The following INPP5F variants were observed in gnomAD, a reference collection of about 807,000 sequenced individuals.
INPP5F encodes inositol polyphosphate-5-phosphatase F.
In INPP5F, 97 loss-of-function variants were observed where a neutral mutation model predicts 137.2. The observed-to-expected ratio is 0.71, with a 90% CI of 0.60 to 0.84. The LOEUF (loss-of-function observed/expected upper bound fraction) is 0.84, where lower values mean the gene tolerates loss of function less well. INPP5F is among the 40% of genes least tolerant of loss of function. The pLI is 0.00. For synonymous variants in INPP5F, 504 were observed against 476.9 expected (o/e 1.06, Z -0.74); for missense variants, 1,271 against 1,371.9 (o/e 0.93, Z 1.16).
intron 14 of INPP5F, among the ~76,000 whole-genome samples, chr10:119,810,976 A>G (rs748962026): frequency 1.1e-4 from 17 of 152,306 alleles, no homozygotes; most frequent in Non-Finnish European, 2.2e-4. Context: ...TGATGTGAAG[A>G]TGTTTGACTT....
At chr10:119,813,661 A>G (rs990307117) in intron 15 of INPP5F, among the ~76,000 whole-genome samples, 3 of 152,124 alleles carry the variant, frequency 2.0e-5, no homozygotes, top group African/African-American at 4.8e-5. Flanking sequence ...AAAACTCAAA[A>G]AAACACTATG....
chr10:119,795,566 C>T (rs960868209), intron 6 of INPP5F, among the ~76,000 whole-genome samples: 4 of 151,282 alleles, frequency 2.6e-5, no homozygotes, highest in South Asian at 2.1e-4. Flanking sequence ...GGATGGCGGC[C>T]GGGCAGAGAC....
At chr10:119,812,378 C>T (rs867366873) in intron 15 of INPP5F, among the ~76,000 whole-genome samples, 11 of 145,554 alleles carry the variant, frequency 7.6e-5, no homozygotes, top group South Asian at 2.2e-4. Flanking sequence ...AACTAATATT[C>T]TTTTTTTTTT....
intron 16 of INPP5F, among the ~76,000 whole-genome samples, chr10:119,821,337 C>CGT (rs3067616): frequency 0.28 from 41,989 of 149,848 alleles, 5,892 homozygotes; most frequent in Middle Eastern, 0.33. Context: ...TATGCAATAA[C>CGT]GTGTGTGTGT....
chr10:119,747,842 A>C (rs947892921), intron 1 of INPP5F, among the ~76,000 whole-genome samples: 1 of 152,254 alleles, frequency 6.6e-6, no homozygotes, highest in African/African-American at 2.4e-5. Flanking sequence ...AATCTTGAAG[A>C]ATATTTTAAA....
Position 119,796,826 on chromosome 10 carries a change from AC to A in INPP5F, c.788del (p.Pro263LeufsTer7), listed in dbSNP as rs750419826. The A allele has an allele frequency of 5.6e-6, 9 of 1,612,270 alleles. No individual in the cohort carries two copies. Among genetic ancestry groups the A allele is most frequent in the Non-Finnish European group, 6.8e-6 (8 of 1,179,282 alleles). On this transcript the variant is annotated frameshift_variant, in exon 7 of 20. Transcript: ENST00000650623. LOFTEE classifies it high-confidence loss of function. ...SSDDEKSSPE[T>X]PPQESTCVDD... ...TGATGATGAGAAAAGCAGCCCAGAG[AC>A]CCCCCCTCAGGAGTCCACCTGTGTA...
At chr10:119,815,682 C>T (rs746455119) in intron 15 of INPP5F, 3 of 283,958 alleles carry the variant, frequency 1.1e-5, no homozygotes, top group Non-Finnish European at 2.1e-5. Context: ...CTAACCAGGA[C>T]AGCAGGAGTG....
In INPP5F at chr10:119,745,864, C is replaced by T. The variant is rs570707724; in HGVS notation, c.98-5212C>T. Among the ~76,000 whole-genome samples, 4 of 151,954 alleles carry T rather than the reference C, an allele frequency of 2.6e-5. No individual in the cohort carries two copies. The South Asian group carries it at 8.3e-4, about 32-fold the overall frequency. On this transcript the variant is annotated intron_variant, in intron 1 of 19. Coordinates refer to ENST00000650623, the MANE Select transcript of INPP5F (RefSeq NM_014937.4). ...GGATTACAGGTATGCGCTACCATGC[C>T]CGGCTAGTTTTTGTATTTTTAGTAG...
chr10:119,753,629 G>A (rs1477565532), intron 2 of INPP5F, among the ~76,000 whole-genome samples: 4 of 152,148 alleles, frequency 2.6e-5, no homozygotes, highest in Non-Finnish European at 5.9e-5. Context: ...TCCTTTCAGG[G>A]TAGTGGCTGG....
chr10:119,730,394 G>A (rs1440596785), intron 1 of INPP5F, among the ~76,000 whole-genome samples: 1 of 152,246 alleles, frequency 6.6e-6, no homozygotes, highest in African/African-American at 2.4e-5. Context: ...ACAGGCATGA[G>A]CCACCGCGCC....
At chr10:119,816,188 TG>T (rs1230472124) in intron 15 of INPP5F, 1 of 152,390 alleles carries the variant, frequency 6.6e-6, no homozygotes, top group African/African-American at 2.4e-5. Flanking sequence ...GGGTTTAGGC[TG>T]GGGCACAGGA....
At chr10:119,771,988 C>T (rs1248891375) in intron 2 of INPP5F, among the ~76,000 whole-genome samples, 1 of 143,578 alleles carries the variant, frequency 7.0e-6, no homozygotes, top group Non-Finnish European at 1.5e-5. Context: ...CTCCATCTCC[C>T]GGGTTCACAC....
chr10:119,823,759 TA>T (rs1258071732), intron 18 of INPP5F, 55 bp from the exon 19 acceptor site: 4 of 1,347,480 alleles, frequency 3.0e-6, no homozygotes, highest in Non-Finnish European at 4.2e-6. Context: ...TTAGAACTGC[TA>T]TTTTTTTTAG....
intron 3 of INPP5F, among the ~76,000 whole-genome samples, chr10:119,785,328 C>A (rs1849855720): frequency 7.6e-6 from 1 of 132,364 alleles, no homozygotes. Flanking sequence ...CTCTGTCGCC[C>A]AGGCTGGAGT....
chr10:119,816,820 G>T, intron 15 of INPP5F, among the ~76,000 whole-genome samples: 1 of 152,208 alleles, frequency 6.6e-6, no homozygotes, highest in East Asian at 1.9e-4. Context: ...GAATATGTGT[G>T]TGTGTTTAAA....
At chr10:119,742,784 C>A (rs1848413641) in intron 1 of INPP5F, among the ~76,000 whole-genome samples, 2 of 151,974 alleles carry the variant, frequency 1.3e-5, no homozygotes, top group African/African-American at 4.8e-5. Flanking sequence ...CCTGAGGTCG[C>A]AAGTTTGAGA....
intron 3 of INPP5F, among the ~76,000 whole-genome samples, chr10:119,791,052 TC>T: frequency 6.6e-6 from 1 of 151,978 alleles, no homozygotes. Flanking sequence ...CTTTTAGGGC[TC>T]CCACTAGAGC....
rs1032659124 is a variant in INPP5F, at chr10:119,726,066, C to T, written c.-197C>T. ...AGCGGGGGGGAGAGGCCTCTACGGCCGCCGCTGCCGCCGCCGCTGCCGGGG... is the reference window on the plus strand; with the variant it reads ...AGCGGGGGGGAGAGGCCTCTACGGCTGCCGCTGCCGCCGCCGCTGCCGGGG... On this transcript the variant is annotated 5_prime_UTR_variant, in exon 1 of 20. Coordinates refer to ENST00000650623, the MANE Select transcript of INPP5F (RefSeq NM_014937.4). 8.2e-6 allele frequency: 3 copies of T among 366,904 alleles called. No homozygotes were observed. The highest frequency in any genetic ancestry group is 7.2e-5 in the South Asian group (1 of 13,914). The allele number at this position is 366,904 out of a possible 1,614,324, so 22.7% of individuals were successfully genotyped here. A position where few individuals can be genotyped will look rare whatever the true frequency, so the allele number is the denominator to read the frequency against.
intron 14 of INPP5F, among the ~76,000 whole-genome samples, chr10:119,811,414 C>T (rs1378810283): frequency 6.6e-6 from 1 of 152,162 alleles, no homozygotes; most frequent in Non-Finnish European, 1.5e-5. Flanking sequence ...CAGATCTTTG[C>T]TCATTTTACA....
Sources: gnomAD v4.1 joint callset for allele counts (sites outside exome capture counted in the v4.1 genomes callset) on GRCh38, gnomAD v4.1.1 for gene constraint, MANE v1.5 for transcripts, NCBI Gene and HGNC (gene_info 2026-07-23, HGNC 2026-07-21) for gene names.